CASTOR2: variants seen among roughly 807,000 people sequenced by gnomAD.
The protein encoded by CASTOR2 is GATS protein like 2.
Under a neutral mutation model 31.2 loss-of-function variants are expected in CASTOR2, and 8 were observed. That is an observed-to-expected ratio of 0.26 (90% CI 0.15 to 0.46). The LOEUF (loss-of-function observed/expected upper bound fraction) is 0.46, where lower values mean the gene tolerates loss of function less well. CASTOR2 is among the 20% of genes least tolerant of loss of function. The pLI, the probability that CASTOR2 is intolerant of heterozygous loss-of-function variation, is 0.99. For synonymous variants in CASTOR2, 162 were observed against 158.7 expected, an observed-to-expected ratio of 1.02 and a Z score of -0.16; for missense variants, 216 against 382.1, an observed-to-expected ratio of 0.57 and a Z score of 3.62.
intron 2 of CASTOR2, among the ~76,000 whole-genome samples, 155 bp from the exon 3 acceptor site, chr7:75,017,443 G>C (rs1259803070): frequency 2.6e-5 from 4 of 151,944 alleles, no homozygotes; most frequent in Non-Finnish European, 5.9e-5. Context: ...GAGCAAGACT[G>C]TCTCAAAAAA....
chr7:74,991,508 C>T (rs1238830819), intron 1 of CASTOR2, among the ~76,000 whole-genome samples: 3 of 152,122 alleles, frequency 2.0e-5, no homozygotes, highest in East Asian at 1.9e-4. Context: ...CTACAAGGCT[C>T]GCCCAGAACT....
chr7:75,018,521 A>G (rs1804918135), intron 4 of CASTOR2, among the ~76,000 whole-genome samples: 1 of 152,198 alleles, frequency 6.6e-6, no homozygotes, highest in East Asian at 1.9e-4. Flanking sequence ...TCTGGGCAAC[A>G]AGAACAAAAC....
At chr7:74,967,522 G>A (rs1295094639) in intron 1 of CASTOR2, among the ~76,000 whole-genome samples, 2 of 141,088 alleles carry the variant, frequency 1.4e-5, no homozygotes, top group Admixed American at 7.4e-5. Context: ...GAGGGTCCCT[G>A]TGCCACCTGT....
intron 7 of CASTOR2, among the ~76,000 whole-genome samples, chr7:75,023,497 C>T (rs1159124820): frequency 3.0e-5 from 4 of 134,564 alleles, no homozygotes; most frequent in African/African-American, 1.1e-4. Context: ...TTTTTGAGAC[C>T]GGATCTTGCT....
rs879121750 is a variant in CASTOR2, at chr7:75,026,189, G to GTTTTTTTTTTTTTTTTTTTTT, written c.*1507_*1508insTTTTTTTTTTTTTTTTTTTTT. 1.7e-3 allele frequency among the ~76,000 whole-genome samples: 200 copies of GTTTTTTTTTTTTTTTTTTTTT among 117,664 alleles called. 8 individuals are homozygous for GTTTTTTTTTTTTTTTTTTTTT. The highest frequency in any genetic ancestry group is 5.3e-3 in the African/African-American group (162 of 30,752). 77.2% of individuals were successfully genotyped at this position (117,664 alleles called of 152,430 possible). A position where few individuals can be genotyped will look rare whatever the true frequency, so the allele number is the denominator to read the frequency against. On this transcript the variant is annotated 3_prime_UTR_variant, in exon 9 of 9. Transcript: ENST00000616305. ...CCCTGTGGTTTTGGCTCTGGCGGGG[G>GTTTTTTTTTTTTTTTTTTTTT]TTTTTTTTTTTTTTTTTGAGATGGG...
At chr7:74,996,712 G>A (rs1269780413) in intron 1 of CASTOR2, among the ~76,000 whole-genome samples, 5 of 103,188 alleles carry the variant, frequency 4.8e-5, no homozygotes, top group Non-Finnish European at 9.7e-5. Flanking sequence ...AGCATGCCTG[G>A]TGCTTTTTTT....
At position 75,003,472 on chromosome 7, in the gene CASTOR2, C is replaced by T. The variant is rs1472133093; in HGVS notation, c.114-4522C>T. On this transcript the variant is annotated intron_variant, in intron 1 of 8. Transcript: ENST00000616305. ...CTCAAAAAAGAAAAAAAAAAAAGGC[C>T]GGGCATGGTGGCTCACGCCTATAAT... Among the ~76,000 whole-genome samples, 12 of 150,828 alleles carry T rather than the reference C, an allele frequency of 8.0e-5. No homozygotes were observed. In the South Asian group the frequency reaches 1.0e-3, roughly 13 times the overall value.
intron 1 of CASTOR2, among the ~76,000 whole-genome samples, chr7:74,996,715 CTTTTTTTTTT>C (rs1179122101): frequency 7.4e-5 from 3 of 40,790 alleles, no homozygotes; most frequent in African/African-American, 3.0e-4. Context: ...ATGCCTGGTG[CTTTTTTTTTT>C]TTTTTTTTTT....
chr7:75,024,725 C>A lies in CASTOR2; in HGVS notation c.*26C>A. 3.2e-6 allele frequency: 5 copies of A among 1,551,550 alleles called. No homozygotes were observed. The South Asian group carries it at 5.9e-5, about 18-fold the overall frequency. On this transcript the variant is annotated 3_prime_UTR_variant, in exon 9 of 9. Transcript: ENST00000616305. ...AAGGGTCTCTTCTGCTCCTCCCTGC[C>A]GCCGCCCGGGCCCAGCCCTAACCCT...
chr7:74,994,095 C>G (rs1456996704), intron 1 of CASTOR2, among the ~76,000 whole-genome samples: 5 of 152,194 alleles, frequency 3.3e-5, no homozygotes, highest in Admixed American at 6.5e-5. Context: ...TCAGCCGGGC[C>G]GTCCACAACA....
At chr7:75,008,100 A>G (rs1554438956) in intron 2 of CASTOR2, 36 bp downstream of exon 2, 16 of 1,612,862 alleles carry the variant, frequency 9.9e-6, no homozygotes, top group Non-Finnish European at 1.4e-5. Context: ...CGGCTGGACC[A>G]TGCCCCGAAG....
intron 1 of CASTOR2, among the ~76,000 whole-genome samples, chr7:74,975,993 G>A (rs1481898373): frequency 1.1e-4 from 17 of 149,428 alleles, no homozygotes; most frequent in Admixed American, 9.5e-4. Context: ...AGATCCTTCC[G>A]CCCCAGGCAA....
Position 75,024,741 on chromosome 7 carries a change from C to T in CASTOR2, c.*42C>T. On this transcript the variant is annotated 3_prime_UTR_variant, in exon 9 of 9. Coordinates refer to ENST00000616305, the MANE Select transcript of CASTOR2 (RefSeq NM_001145064.3). ...CCTCCCTGCCGCCGCCCGGGCCCAGCCCTAACCCTGAAGATTGATCTTGCA... is the reference window on the plus strand; with the variant it reads ...CCTCCCTGCCGCCGCCCGGGCCCAGTCCTAACCCTGAAGATTGATCTTGCA... 1.9e-6 allele frequency: 3 copies of T among 1,551,564 alleles called. No homozygotes were observed. Among genetic ancestry groups the T allele is most frequent in the Non-Finnish European group, 2.6e-6 (3 of 1,146,846 alleles).
At chr7:75,015,247 A>T (rs1804839701) in intron 2 of CASTOR2, among the ~76,000 whole-genome samples, 1 of 152,044 alleles carries the variant, frequency 6.6e-6, no homozygotes, top group African/African-American at 2.4e-5. Flanking sequence ...TGGCTCACCC[A>T]TCTTTGAGCC....
intron 2 of CASTOR2, among the ~76,000 whole-genome samples, chr7:75,011,467 G>T (rs1804743418): frequency 6.6e-6 from 1 of 150,388 alleles, no homozygotes; most frequent in South Asian, 2.1e-4. Context: ...GGGCGCGGTG[G>T]CTCACGCCTA....
chr7:74,995,511 G>GAAAAAAAAAAAAAAAAAAA (rs1335114046), intron 1 of CASTOR2, among the ~76,000 whole-genome samples: 1 of 88,464 alleles, frequency 1.1e-5, no homozygotes, highest in African/African-American at 5.3e-5. Flanking sequence ...ACAAAAAAAT[G>GAAAAAAAAAAAAAAAAAAA]AAAAAAAAAA....
rs1422858902 is a variant in CASTOR2, at chr7:75,025,513, G to T, written c.*814G>T. ...GTAGAGCCTCAGCTTCCCCCAGTAG[G>T]GACATCCCTGGCTTTCCAGGCCTGA... On this transcript the variant is annotated 3_prime_UTR_variant, in exon 9 of 9. Coordinates refer to ENST00000616305, the MANE Select transcript of CASTOR2 (RefSeq NM_001145064.3). 2.0e-5 allele frequency among the ~76,000 whole-genome samples: 3 copies of T among 152,170 alleles called. No individual in the cohort carries two copies. The highest frequency in any genetic ancestry group is 7.2e-5 in the African/African-American group (3 of 41,442).
intron 1 of CASTOR2, among the ~76,000 whole-genome samples, chr7:75,001,152 C>T (rs1183898551): frequency 3.3e-5 from 5 of 152,340 alleles, no homozygotes; most frequent in South Asian, 2.1e-4. Flanking sequence ...TCACGGCTCA[C>T]TGCAACCTCC....
In CASTOR2 at chr7:75,030,828, C is replaced by T. The variant is rs1462749436; in HGVS notation, c.*6129C>T. Among the ~76,000 whole-genome samples, 1 of 152,196 alleles carries T rather than the reference C, an allele frequency of 6.6e-6. No individual in the cohort carries two copies. The highest frequency in any genetic ancestry group is 2.4e-5 in the African/African-American group (1 of 41,440). On this transcript the variant is annotated 3_prime_UTR_variant, in exon 9 of 9. Coordinates refer to ENST00000616305, the MANE Select transcript of CASTOR2 (RefSeq NM_001145064.3). ...AAGGGGCTGGGGCTGCCCGTGCTGA[C>T]TCTTCAAAGGCATCCCATCCTGCAG...
Sources: allele counts gnomAD v4.1 joint callset (sites outside exome capture counted in the v4.1 genomes callset), GRCh38; gene constraint gnomAD v4.1.1; transcripts MANE v1.5; gene names NCBI Gene and HGNC (gene_info 2026-07-23, HGNC 2026-07-21).